CNBD1: variants seen among roughly 807,000 people sequenced by gnomAD.
The protein encoded by CNBD1 is cyclic nucleotide binding domain containing 1.
Under a neutral mutation model 54.4 loss-of-function variants are expected in CNBD1, and 71 were observed. That is an observed-to-expected ratio of 1.30 (90% CI 1.08 to 1.59). The LOEUF (loss-of-function observed/expected upper bound fraction) is 1.59, where lower values mean the gene tolerates loss of function less well. Among genes scored for constraint, CNBD1 ranks in the 40% most tolerant of loss-of-function variants. The pLI, the probability that CNBD1 is intolerant of heterozygous loss-of-function variation, is 0.00. For synonymous variants in CNBD1, 182 were observed against 170.7 expected (o/e 1.07, Z -0.51); for missense variants, 659 against 518.0 (o/e 1.27, Z -2.64).
Position 87,206,095 on chromosome 8 carries a change from TAGTA to T in CNBD1, c.537_540del (p.Ser179ArgfsTer9), listed in dbSNP as rs1479744230. 6.3e-7 allele frequency: 1 copy of T among 1,597,970 alleles called. No homozygotes were observed. ...TAAATGATAAGCATCTGAAAACACTTAGTAAGACTGTCTTTTCCGAAACCTGGTT... is the reference window on the plus strand; with the variant it reads ...TAAATGATAAGCATCTGAAAACACTTAGACTGTCTTTTCCGAAACCTGGTT... On this transcript the variant is annotated frameshift_variant, in exon 5 of 11. Transcript: ENST00000518476. LOFTEE classifies it high-confidence loss of function.
chr8:87,346,465 C>A (rs1810178250), intron 8 of CNBD1, among the ~76,000 whole-genome samples: 1 of 151,548 alleles, frequency 6.6e-6, no homozygotes, highest in South Asian at 2.1e-4. Context: ...TTTTTGTAAT[C>A]CAATTGGCCA....
intron 4 of CNBD1, among the ~76,000 whole-genome samples, chr8:87,199,416 CAA>C (rs1449648065): frequency 6.6e-6 from 1 of 152,092 alleles, no homozygotes; most frequent in Non-Finnish European, 1.5e-5. Context: ...GAAAGAAAAA[CAA>C]CACAAATTTG....
At chr8:87,245,818 T>C (rs867331711) in intron 6 of CNBD1, among the ~76,000 whole-genome samples, 1 of 152,036 alleles carries the variant, frequency 6.6e-6, no homozygotes, top group Non-Finnish European at 1.5e-5. Context: ...TTTTTAAATA[T>C]ATTGTTGATA....
intron 8 of CNBD1, among the ~76,000 whole-genome samples, chr8:87,349,344 T>C (rs573865369): frequency 6.6e-6 from 1 of 152,232 alleles, no homozygotes; most frequent in African/African-American, 2.4e-5. Context: ...AAAATAGTAA[T>C]ATTAATATTT....
chr8:87,306,001 A>G (rs1410418619), intron 8 of CNBD1, among the ~76,000 whole-genome samples: 1 of 152,210 alleles, frequency 6.6e-6, no homozygotes, highest in African/African-American at 2.4e-5. Context: ...TTCACAATCT[A>G]TGCATCTGAC....
chr8:87,407,463 G>A (rs537872045), intron 2 of CNBD1, among the ~76,000 whole-genome samples: 2 of 152,052 alleles, frequency 1.3e-5, no homozygotes, highest in South Asian at 4.1e-4. Flanking sequence ...GAACATTCTT[G>A]CATTCTAGTT....
chr8:87,136,393 T>C (rs1812227067), intron 4 of CNBD1, among the ~76,000 whole-genome samples: 1 of 149,760 alleles, frequency 6.7e-6, no homozygotes, highest in East Asian at 2.0e-4. Flanking sequence ...ATGTGGAAGA[T>C]ACAGGTAGAT....
intron 2 of CNBD1, among the ~76,000 whole-genome samples, chr8:86,890,367 T>C (rs1164513146): frequency 6.6e-6 from 1 of 152,118 alleles, no homozygotes; most frequent in African/African-American, 2.4e-5. Context: ...GCCTGCTCTA[T>C]CTTACTTAGC....
chr8:87,399,815 G>A (rs182240785), intron 2 of CNBD1, among the ~76,000 whole-genome samples: 2 of 151,878 alleles, frequency 1.3e-5, no homozygotes, highest in Non-Finnish European at 2.9e-5. Context: ...TGGTGAAAAA[G>A]TATTTCAATG....
chr8:87,358,313 A>C (rs1399579152), intron 10 of CNBD1, among the ~76,000 whole-genome samples: 1 of 152,238 alleles, frequency 6.6e-6, no homozygotes, highest in African/African-American at 2.4e-5. Flanking sequence ...TGTAAATCTG[A>C]AATGACATTT....
At chr8:87,125,636 T>A (rs772903821) in intron 4 of CNBD1, among the ~76,000 whole-genome samples, 22 of 151,974 alleles carry the variant, frequency 1.4e-4, no homozygotes, top group Middle Eastern at 6.8e-3. Context: ...ATTAAAAATT[T>A]GTGTTGTCTC....
At chr8:87,229,869 T>C (rs1344274824) in intron 5 of CNBD1, among the ~76,000 whole-genome samples, 1 of 152,250 alleles carries the variant, frequency 6.6e-6, no homozygotes, top group Non-Finnish European at 1.5e-5. Context: ...TTTAAGGAAA[T>C]AATTGAGGGT....
rs544752008 is a variant in CNBD1, at chr8:87,371,435, G to T, written c.1304-11185G>T. Among the ~76,000 whole-genome samples the T allele has an allele frequency of 2.6e-5, 4 of 152,020 alleles. 1 individual carries two copies. The South Asian group carries it at 8.3e-4, about 32-fold the overall frequency. On this transcript the variant is annotated intron_variant, in intron 10 of 10. Transcript: ENST00000518476. ...GTGGTTTGTAATTCTCCTTGAAGAG[G>T]TCCTTCACGTCCCTTGTAATTTGGA...
At chr8:87,175,735 G>A (rs1813183375) in intron 4 of CNBD1, among the ~76,000 whole-genome samples, 1 of 152,186 alleles carries the variant, frequency 6.6e-6, no homozygotes, top group African/African-American at 2.4e-5. Flanking sequence ...TGCCTTCTGG[G>A]TGTCTCAGTT....
chr8:87,298,777 C>A (rs1396857750), intron 8 of CNBD1, among the ~76,000 whole-genome samples: 1 of 151,284 alleles, frequency 6.6e-6, no homozygotes, highest in African/African-American at 2.4e-5. Context: ...AGCCACCATG[C>A]CCGGCCCAAA....
intron 8 of CNBD1, among the ~76,000 whole-genome samples, chr8:87,342,027 A>C (rs1364403391): frequency 2.0e-5 from 3 of 152,152 alleles, no homozygotes; most frequent in East Asian, 3.9e-4. Context: ...TAATCCTAGC[A>C]CTTTGGGAGG....
At chr8:87,383,662 T>C (rs1469767156), downstream of CNBD1, among the ~76,000 whole-genome samples, 5 of 152,108 alleles carry the variant, frequency 3.3e-5, no homozygotes, top group African/African-American at 4.8e-5. Context: ...ATTGTTTTCA[T>C]TGGAGTTGCA....
chr8:87,375,889 T>G (rs938430886), intron 10 of CNBD1, among the ~76,000 whole-genome samples: 7 of 151,970 alleles, frequency 4.6e-5, no homozygotes, highest in African/African-American at 1.7e-4. Context: ...TTTTCCTTTT[T>G]TCAGGCCTTG....
In CNBD1 at chr8:87,166,373, C is replaced by A. The variant is rs564324160; in HGVS notation, c.432-39620C>A. 1.3e-5 allele frequency among the ~76,000 whole-genome samples: 2 copies of A among 152,022 alleles called. No homozygotes were observed. The highest frequency in any genetic ancestry group is 6.6e-5 in the Admixed American group (1 of 15,226). ...ACCATAGCTTCTCGCTTTGATACTT[C>A]AATAGCCTCCTTGGCAGGTTTGTAT... On this transcript the variant is annotated intron_variant, in intron 4 of 10. Transcript: ENST00000518476. This position sits in a 1 kb window ranked among gnomAD's most constrained non-coding sequence, Gnocchi z 4.3.
Sources: gnomAD v4.1 joint callset for allele counts (sites outside exome capture counted in the v4.1 genomes callset) on GRCh38, gnomAD v4.1.1 for gene constraint, Gnocchi (gnomAD v3.1) non-coding constraint, MANE v1.5 for transcripts, NCBI Gene and HGNC (gene_info 2026-07-23, HGNC 2026-07-21) for gene names.